The following FARS2 variants were observed in gnomAD, a reference collection of about 807,000 sequenced individuals.
The protein encoded by FARS2 is phenylalanine--tRNA ligase, mitochondrial.
FARS2 carries 40 observed loss-of-function variants against 46.4 expected under a neutral mutation model. The ratio of observed to expected loss-of-function variants is 0.86; its 90% CI spans 0.67 to 1.12. The LOEUF is 1.12. Among genes scored for constraint, FARS2 ranks in the 50% most tolerant of loss-of-function variants. The pLI, the probability that FARS2 is intolerant of heterozygous loss-of-function variation, is 0.00. For missense variants in FARS2, 513 were observed against 567.9 expected, an observed-to-expected ratio of 0.90 and a Z score of 0.98; for synonymous variants, 234 against 214.9, an observed-to-expected ratio of 1.09 and a Z score of -0.78.
chr6:5,459,639 C>T (rs1223512289), intron 4 of FARS2, among the ~76,000 whole-genome samples: 1 of 152,092 alleles, frequency 6.6e-6, no homozygotes, highest in Non-Finnish European at 1.5e-5. Context: ...ACTGCCTGTT[C>T]CTCTTGCTTT....
intron 4 of FARS2, among the ~76,000 whole-genome samples, chr6:5,532,789 G>A (rs9766673): frequency 1.4e-5 from 2 of 146,170 alleles, no homozygotes; most frequent in South Asian, 4.2e-4. Flanking sequence ...ATAATAAGAA[G>A]AAGAAGAAGA....
At chr6:5,752,278 T>C (rs929267852) in intron 6 of FARS2, among the ~76,000 whole-genome samples, 12 of 152,366 alleles carry the variant, frequency 7.9e-5, no homozygotes, top group African/African-American at 2.2e-4. Context: ...TGTTGTCTAA[T>C]TGCGGTCTGT....
intron 1 of FARS2, among the ~76,000 whole-genome samples, chr6:5,303,294 A>G (rs1768454258): frequency 6.6e-6 from 1 of 152,194 alleles, no homozygotes; most frequent in Admixed American, 6.5e-5. Context: ...ATAGAGATGA[A>G]GGGCAAGAAT....
intron 5 of FARS2, among the ~76,000 whole-genome samples, chr6:5,571,923 A>AACCCACAGTCACCTGTGTACACTGT (rs1427669880): frequency 2.6e-5 from 4 of 151,934 alleles, no homozygotes; most frequent in South Asian, 4.2e-4. Context: ...GCCCAGACCA[A>AACCCACAGTCACCTGTGTACACTGT]ACCCACAGTC....
In FARS2 at chr6:5,337,192, A is replaced by G. The variant is rs182921284; in HGVS notation, c.-21-31358A>G. On this transcript the variant is annotated intron_variant, in intron 1 of 6. Transcript: ENST00000274680. ...GTGTAAATATATATGTAATATGTATATATATATATATGGAGAGTGAGAAAG... is the reference window on the plus strand; with the variant it reads ...GTGTAAATATATATGTAATATGTATGTATATATATATGGAGAGTGAGAAAG... Among the ~76,000 whole-genome samples the G allele has an allele frequency of 8.4e-3, 1,279 of 151,462 alleles. 18 individuals are homozygous for G. Among genetic ancestry groups the G allele is most frequent in the South Asian group, 0.044 (213 of 4,792 alleles).
intron 6 of FARS2, among the ~76,000 whole-genome samples, chr6:5,699,526 G>A (rs1363979723): frequency 7.3e-6 from 1 of 136,744 alleles, no homozygotes; most frequent in Non-Finnish European, 1.5e-5. Context: ...TTTTTTTTTT[G>A]AGGTGGCGTC....
intron 6 of FARS2, among the ~76,000 whole-genome samples, chr6:5,735,243 A>G (rs1483393001): frequency 6.6e-6 from 1 of 152,238 alleles, no homozygotes; most frequent in East Asian, 1.9e-4. Context: ...TAAGTAACTT[A>G]CTCAAGGCCA....
At chr6:5,428,690 A>G (rs906939503) in intron 3 of FARS2, among the ~76,000 whole-genome samples, 7 of 152,322 alleles carry the variant, frequency 4.6e-5, no homozygotes, top group Admixed American at 2.6e-4. Context: ...TTGATAGGGA[A>G]TTGTTGGTCC....
intron 3 of FARS2, among the ~76,000 whole-genome samples, chr6:5,407,529 G>T (rs1761684208): frequency 6.6e-6 from 1 of 151,954 alleles, no homozygotes; most frequent in South Asian, 2.1e-4. Flanking sequence ...TCAACTTCAG[G>T]ATAATGTTTT....
At chr6:5,323,019 A>G (rs1770092458) in intron 1 of FARS2, among the ~76,000 whole-genome samples, 1 of 152,188 alleles carries the variant, frequency 6.6e-6, no homozygotes, top group African/African-American at 2.4e-5. Flanking sequence ...TTTCTTTTGG[A>G]AGCAACTAAT....
At chr6:5,267,715 C>G (rs1173122817) in intron 1 of FARS2, among the ~76,000 whole-genome samples, 1 of 149,304 alleles carries the variant, frequency 6.7e-6, no homozygotes, top group East Asian at 2.0e-4. Flanking sequence ...GATCGCACCA[C>G]TGCACTCCAG....
chr6:5,326,398 A>G (rs1248233140), intron 1 of FARS2, among the ~76,000 whole-genome samples: 1 of 152,174 alleles, frequency 6.6e-6, no homozygotes, highest in East Asian at 1.9e-4. Flanking sequence ...CTTTCCCTGA[A>G]GCAAATCATT....
At chr6:5,618,534 A>G (rs547231643) in intron 6 of FARS2, among the ~76,000 whole-genome samples, 1 of 152,348 alleles carries the variant, frequency 6.6e-6, no homozygotes, top group African/African-American at 2.4e-5. Flanking sequence ...CTGAACAAAA[A>G]CAGATCCCAA....
chr6:5,492,839 A>C (rs1430776831), intron 4 of FARS2, among the ~76,000 whole-genome samples: 3 of 117,266 alleles, frequency 2.6e-5, no homozygotes, highest in Non-Finnish European at 5.6e-5. Flanking sequence ...CAGAGTGGCT[A>C]GAGTGTATAT....
intron 6 of FARS2, among the ~76,000 whole-genome samples, chr6:5,698,104 A>G (rs1156531915): frequency 2.0e-5 from 3 of 152,186 alleles, no homozygotes; most frequent in African/African-American, 7.2e-5. Flanking sequence ...TGATTTAGGA[A>G]ATATCTTACT....
At chr6:5,638,437 T>C (rs1776648498) in intron 6 of FARS2, among the ~76,000 whole-genome samples, 1 of 152,190 alleles carries the variant, frequency 6.6e-6, no homozygotes, top group Non-Finnish European at 1.5e-5. Flanking sequence ...TGGTGGCACG[T>C]GCCTGTAGTC....
chr6:5,608,244 A>G (rs931353977), intron 5 of FARS2, among the ~76,000 whole-genome samples: 24 of 152,168 alleles, frequency 1.6e-4, no homozygotes, highest in African/African-American at 5.5e-4. Context: ...CGCATGTCCA[A>G]GTCATATGCC....
chr6:5,404,733 T>C lies in FARS2; in HGVS notation c.772+32T>C, dbSNP rs752857035. 5 of 1,457,446 alleles carry C rather than the reference T, an allele frequency of 3.4e-6. No individual in the cohort carries two copies. In the East Asian group the frequency reaches 7.1e-5, roughly 21 times the overall value. 90.3% of individuals were successfully genotyped at this position (1,457,446 alleles called of 1,614,324 possible). A position where few individuals can be genotyped will look rare whatever the true frequency, so the allele number is the denominator to read the frequency against. On this transcript the variant is annotated intron_variant, in intron 3 of 6. Transcript: ENST00000274680. ...GCTCAAACACAGGTTGACGATCTCTTATCTGAAATACTTGGGACAGAAGTG... is the reference window on the plus strand; with the variant it reads ...GCTCAAACACAGGTTGACGATCTCTCATCTGAAATACTTGGGACAGAAGTG...
chr6:5,756,210 T>G (rs1409803358), intron 6 of FARS2, among the ~76,000 whole-genome samples: 2 of 152,240 alleles, frequency 1.3e-5, no homozygotes, highest in Non-Finnish European at 2.9e-5. Flanking sequence ...GGGCACTTAC[T>G]GCTGTGGTTT....
Sources: allele counts gnomAD v4.1 joint callset (sites outside exome capture counted in the v4.1 genomes callset), GRCh38; gene constraint gnomAD v4.1.1; transcripts MANE v1.5; gene names NCBI Gene and HGNC (gene_info 2026-07-23, HGNC 2026-07-21).